TDRP: variants seen among roughly 807,000 people sequenced by gnomAD.
TDRP encodes testis development related protein.
TDRP carries 12 observed loss-of-function variants against 10.5 expected under a neutral mutation model. The ratio of observed to expected loss-of-function variants is 1.15; its 90% CI spans 0.73 to 1.86. The LOEUF is 1.86. TDRP is among the 40% of genes most tolerant of loss of function. The pLI is 0.00. For synonymous variants in TDRP, 139 were observed against 95.4 expected (o/e 1.46, Z -2.67); for missense variants, 353 against 229.2 (o/e 1.54, Z -3.49).
intron 1 of TDRP, among the ~76,000 whole-genome samples, chr8:497,321 G>A (rs1801162842): frequency 6.6e-6 from 1 of 152,224 alleles, no homozygotes; most frequent in Admixed American, 6.5e-5. Context: ...ATCGGAAACT[G>A]GAGTAAAGGT....
At chr8:529,053 T>C (rs986136378) in intron 1 of TDRP, among the ~76,000 whole-genome samples, 1 of 152,112 alleles carries the variant, frequency 6.6e-6, no homozygotes, top group African/African-American at 2.4e-5. Context: ...AGTCTAGCCT[T>C]TTCATGTTTT....
In TDRP at chr8:491,828, T is replaced by G; in HGVS notation, c.*571A>C. ...CCTCAGCAAAAGATGAACATGCATT[T>G]TAAGATACATTTTACTCCCAAATAT... On this transcript the variant is annotated 3_prime_UTR_variant, in exon 3 of 3. Coordinates refer to ENST00000324079, the MANE Select transcript of TDRP (RefSeq NM_001384899.1). 1 of 1,237,920 alleles carries G rather than the reference T, an allele frequency of 8.1e-7. No homozygotes were observed. Among genetic ancestry groups the G allele is most frequent in the Non-Finnish European group, 1.0e-6 (1 of 990,646 alleles). The allele number at this position is 1,237,920 out of a possible 1,614,324, so 76.7% of individuals were successfully genotyped here.
chr8:512,220 G>A (rs1007034960), intron 1 of TDRP, among the ~76,000 whole-genome samples: 21 of 151,700 alleles, frequency 1.4e-4, no homozygotes, highest in African/African-American at 4.6e-4. Context: ...GGTGGAGACT[G>A]AGACCATCCT....
At chr8:531,445 A>C (rs1325880213) in intron 1 of TDRP, among the ~76,000 whole-genome samples, 2 of 151,962 alleles carry the variant, frequency 1.3e-5, no homozygotes, top group African/African-American at 2.4e-5. Flanking sequence ...TGCGGGAATG[A>C]CTCCTTAATC....
chr8:531,960 T>C (rs1387488867), intron 1 of TDRP, among the ~76,000 whole-genome samples: 1 of 152,184 alleles, frequency 6.6e-6, no homozygotes, highest in African/African-American at 2.4e-5. Flanking sequence ...GGTTGCGTAA[T>C]AAAATCTCCT....
chr8:498,730 C>T (rs886125595), intron 1 of TDRP, among the ~76,000 whole-genome samples: 8 of 152,138 alleles, frequency 5.3e-5, no homozygotes, highest in Admixed American at 2.0e-4. Context: ...TCTGTGTCCC[C>T]ACCCAAATTT....
intron 1 of TDRP, among the ~76,000 whole-genome samples, chr8:498,197 G>C (rs552753480): frequency 4.6e-5 from 7 of 152,086 alleles, no homozygotes; most frequent in Admixed American, 3.9e-4. Flanking sequence ...CCAACAACTC[G>C]AACCATGCAC....
At chr8:526,150 G>A (rs1214342457) in intron 1 of TDRP, among the ~76,000 whole-genome samples, 2 of 151,998 alleles carry the variant, frequency 1.3e-5, no homozygotes, top group African/African-American at 4.8e-5. Context: ...ATTTGTTGTA[G>A]CCATGCCCAG....
intron 1 of TDRP, among the ~76,000 whole-genome samples, chr8:497,883 G>C (rs1801177997): frequency 1.3e-5 from 2 of 152,296 alleles, no homozygotes; most frequent in South Asian, 4.1e-4. Context: ...CCAAGGTATA[G>C]CTCCAGCCAT....
At chr8:509,770 T>C (rs1801562635) in intron 1 of TDRP, among the ~76,000 whole-genome samples, 1 of 152,206 alleles carries the variant, frequency 6.6e-6, no homozygotes, top group African/African-American at 2.4e-5. Context: ...GGCTTGAATT[T>C]CTCCCCCAAA....
chr8:501,128 C>T (rs1240741764), intron 1 of TDRP, among the ~76,000 whole-genome samples: 2 of 151,690 alleles, frequency 1.3e-5, no homozygotes, highest in Admixed American at 1.3e-4. Context: ...TGGCGTGAAC[C>T]CGAGGAGGTG....
intron 1 of TDRP, among the ~76,000 whole-genome samples, chr8:513,636 G>A (rs375147361): frequency 1.3e-4 from 20 of 152,274 alleles, no homozygotes; most frequent in East Asian, 5.8e-4. Context: ...ATTCAACACC[G>A]TGCAGATTTC....
rs1485626822 is a variant in TDRP at position 523,559 on chromosome 8, G to A, written c.108+21091C>T. Among the ~76,000 whole-genome samples, 4 of 152,172 alleles carry A rather than the reference G, an allele frequency of 2.6e-5. 1 individual carries two copies. The highest frequency in any genetic ancestry group is 9.7e-5 in the African/African-American group (4 of 41,446). ...TTTCTGGACTTGCCCTGGGCCAAAG[G>A]GGAACCCACTGCCCTGAAGGATATG... On this transcript the variant is annotated intron_variant, in intron 1 of 2. Transcript: ENST00000324079.
chr8:533,841 C>T (rs1214787767), intron 1 of TDRP, among the ~76,000 whole-genome samples: 1 of 152,128 alleles, frequency 6.6e-6, no homozygotes, highest in Admixed American at 6.5e-5. Flanking sequence ...AATGTTCTAG[C>T]GCTTCTCACT....
rs986254006 is a variant in TDRP at position 517,034 on chromosome 8, G to T, written c.109-22437C>A. Among the ~76,000 whole-genome samples, 4 of 152,152 alleles carry T rather than the reference G, an allele frequency of 2.6e-5. No individual in the cohort carries two copies. The East Asian group carries it at 7.7e-4, about 29-fold the overall frequency. ...CACTGAATGGACTCTGCTCTTGGAG[G>T]AACCAGAAAAACTAGTTCAGGCCGT... On this transcript the variant is annotated intron_variant, in intron 1 of 2. Coordinates refer to ENST00000324079, the MANE Select transcript of TDRP (RefSeq NM_001384899.1).
chr8:518,726 T>C (rs541542651), intron 1 of TDRP, among the ~76,000 whole-genome samples: 1 of 150,116 alleles, frequency 6.7e-6, no homozygotes, highest in South Asian at 2.1e-4. Context: ...TTAGGGCAAA[T>C]GAAAAAAAAT....
rs1216748138 is a variant in TDRP at position 492,432 on chromosome 8, G to C, written c.525C>G (p.Gly175=). 6.3e-7 allele frequency: 1 copy of C among 1,579,202 alleles called. No individual in the cohort carries two copies. Among genetic ancestry groups the C allele is most frequent in the South Asian group, 1.2e-5 (1 of 86,332 alleles). ...RLVSIRRQSK[G]HLTDSPEEAE is the part of the protein sequence containing the mutation. ...CCTCCTCCGGGCTATCTGTCAGGTG[G>C]CCTTTACTCTGCCGTCGGATGCTCA... Residue 175 remains glycine (G), a synonymous_variant, in exon 3 of 3, where the codon GGC becomes GGG. Coordinates refer to ENST00000324079, the MANE Select transcript of TDRP (RefSeq NM_001384899.1).
intron 1 of TDRP, among the ~76,000 whole-genome samples, chr8:512,292 G>A (rs1011225447): frequency 6.6e-6 from 1 of 151,844 alleles, no homozygotes; most frequent in African/African-American, 2.4e-5. Context: ...AAATGACTGG[G>A]CATGGTGGCA....
In TDRP at chr8:544,770, T is replaced by C; in HGVS notation, c.-13A>G. 8.1e-7 allele frequency: 1 copy of C among 1,232,080 alleles called. No homozygotes were observed. Among genetic ancestry groups the C allele is most frequent in the African/African-American group, 1.6e-5 (1 of 64,194 alleles). The allele number at this position is 1,232,080 out of a possible 1,614,324, so 76.3% of individuals were successfully genotyped here. A position where few individuals can be genotyped will look rare whatever the true frequency, so the allele number is the denominator to read the frequency against. ...CCAGCTTCCACATGGTCAGGCGGGC[T>C]CCGGCGTCCCTCCGTCCGTGCGTCG... On this transcript the variant is annotated 5_prime_UTR_variant, in exon 1 of 3. Transcript: ENST00000324079.
Sources: allele counts gnomAD v4.1 joint callset (sites outside exome capture counted in the v4.1 genomes callset), GRCh38; gene constraint gnomAD v4.1.1; transcripts MANE v1.5; gene names NCBI Gene and HGNC (gene_info 2026-07-23, HGNC 2026-07-21).